Variants in GNS observed in about 807,000 individuals in gnomAD.
GNS encodes glucosamine (N-acetyl)-6-sulfatase.
In GNS, 40 loss-of-function variants were observed where a neutral mutation model predicts 69.7. The observed-to-expected ratio is 0.57, with a 90% CI of 0.45 to 0.75. The LOEUF is 0.75. GNS is among the 30% of genes least tolerant of loss of function. The pLI is 0.00. For synonymous variants in GNS, 243 were observed against 251.6 expected, an observed-to-expected ratio of 0.97 and a Z score of 0.32; for missense variants, 565 against 685.5, an observed-to-expected ratio of 0.82 and a Z score of 1.96.
At chr12:64,738,376 T>A (rs1279675150) in intron 8 of GNS, among the ~76,000 whole-genome samples, 1 of 152,162 alleles carries the variant, frequency 6.6e-6, no homozygotes, top group East Asian at 1.9e-4. Context: ...TGGAGTCATG[T>A]GTATGGGAGT....
chr12:64,755,077 T>C (rs188134730), intron 1 of GNS, among the ~76,000 whole-genome samples: 219 of 152,170 alleles, frequency 1.4e-3, no homozygotes, highest in Non-Finnish European at 2.5e-3. Context: ...GCAAAGACAG[T>C]GGCTGGTCAA....
intron 7 of GNS, 136 bp from the exon 8 acceptor site, chr12:64,739,635 G>T: frequency 9.9e-6 from 6 of 606,626 alleles, no homozygotes; most frequent in East Asian, 5.7e-5. Context: ...AACAACCCCC[G>T]TTTAAAAAAA....
At chr12:64,716,950 T>A in intron 13 of GNS, 131 bp from the exon 14 acceptor site, 1 of 714,976 alleles carries the variant, frequency 1.4e-6, no homozygotes, top group South Asian at 1.5e-5. Flanking sequence ...TGAGAAAGTC[T>A]ATGGTACAAA....
In GNS at chr12:64,740,652, T is replaced by C. The variant is rs1869702388; in HGVS notation, c.829A>G (p.Met277Val). The change falls in exon 7 of 14, where the codon ATG becomes GTG. Residue 277 changes from methionine (M) to valine (V), a missense_variant. Around this residue, in one of 2 missense-constraint regions of GNS, gnomAD observed 384 missense variants for 511.0 expected, o/e 0.75. Coordinates refer to ENST00000258145, the MANE Select transcript of GNS (RefSeq NM_002076.4). ...AAAAACTGTATTGAAGAATTAGTCA[T>C]TGGAGTCTTGGCTTGCCTAATTAAC... is the stretch of plus-strand genomic sequence containing the variant. Reference protein sequence around the residue: ...HWLIRQAKTPMTNSSIQFLDN... With the variant: ...HWLIRQAKTPVTNSSIQFLDN... The C allele has an allele frequency of 1.3e-6, 2 of 1,589,854 alleles. No individual in the cohort carries two copies. The highest frequency in any genetic ancestry group is 1.7e-6 in the Non-Finnish European group (2 of 1,158,032).
intron 1 of GNS, among the ~76,000 whole-genome samples, chr12:64,757,245 C>T (rs1592512500): frequency 2.0e-5 from 3 of 152,178 alleles, no homozygotes; most frequent in Admixed American, 1.3e-4. Flanking sequence ...CAAATACACA[C>T]AGACTACAGC....
chr12:64,753,374 T>G (rs1870142269), intron 1 of GNS, among the ~76,000 whole-genome samples: 1 of 152,240 alleles, frequency 6.6e-6, no homozygotes, highest in Non-Finnish European at 1.5e-5. Flanking sequence ...TTTTCATCTT[T>G]TGTTCAAAAT....
At chr12:64,756,034 T>A (rs756768138) in intron 1 of GNS, among the ~76,000 whole-genome samples, 3 of 152,150 alleles carry the variant, frequency 2.0e-5, no homozygotes, top group Non-Finnish European at 2.9e-5. Context: ...ACTATAATGA[T>A]GTTTAAATAA....
intron 6 of GNS, among the ~76,000 whole-genome samples, chr12:64,742,739 A>C (rs1434079572): frequency 6.6e-6 from 1 of 151,994 alleles, no homozygotes; most frequent in African/African-American, 2.4e-5. Flanking sequence ...TTTCCATTCA[A>C]CTTCCCTTTC....
intron 9 of GNS, 87 bp from the exon 10 acceptor site, chr12:64,729,144 C>T (rs1237681508): frequency 6.9e-5 from 53 of 763,270 alleles, no homozygotes; most frequent in Middle Eastern, 2.4e-4. Flanking sequence ...CCCCCCACCC[C>T]GCCCATGAGA....
At position 64,739,401 on chromosome 12, in the gene GNS, G is replaced by C; in HGVS notation, c.974C>G (p.Ser325Ter). Reference sequence around the variant, plus strand: ...CTGACCTGTGTGATAGCCATTGTCTGAGGTATAGAAGATGTAAGTGTTGTT... The same window carrying C: ...CTGACCTGTGTGATAGCCATTGTCTCAGGTATAGAAGATGTAAGTGTTGTT... ...ELNNTYIFYTSDNGYHTGQFS... is the reference protein window; with the variant it reads ...ELNNTYIFYT Residue 325 changes from serine (S) to a stop codon, truncating the protein, a stop_gained, in exon 8 of 14, where the codon TCA becomes TGA. Coordinates refer to ENST00000258145, the MANE Select transcript of GNS (RefSeq NM_002076.4). LOFTEE classifies it high-confidence loss of function. 1 of 1,547,644 alleles carries C rather than the reference G, an allele frequency of 6.5e-7. No individual in the cohort carries two copies. Among genetic ancestry groups the C allele is most frequent in the South Asian group, 1.1e-5 (1 of 89,700 alleles).
At chr12:64,738,374 T>G (rs946664023) in intron 8 of GNS, among the ~76,000 whole-genome samples, 1 of 152,144 alleles carries the variant, frequency 6.6e-6, no homozygotes, top group Non-Finnish European at 1.5e-5. Context: ...CCTGGAGTCA[T>G]GTGTATGGGA....
chr12:64,720,277 A>G, intron 12 of GNS, 95 bp from the exon 13 acceptor site: 2 of 828,828 alleles, frequency 2.4e-6, no homozygotes, highest in Non-Finnish European at 2.0e-6. Flanking sequence ...GGAAGGGAGG[A>G]GGTAGATTAA....
At chr12:64,719,910 T>A in intron 13 of GNS, 112 bp downstream of exon 13, 1 of 787,202 alleles carries the variant, frequency 1.3e-6, no homozygotes, top group Non-Finnish European at 2.3e-6. Context: ...CAGTATTCCC[T>A]CTAAAGCAGA....
intron 5 of GNS, among the ~76,000 whole-genome samples, chr12:64,744,343 A>C (rs769143091): frequency 6.6e-6 from 1 of 152,228 alleles, no homozygotes; most frequent in Non-Finnish European, 1.5e-5. Context: ...CTGTCATTAG[A>C]AACGCCTCAG....
chr12:64,736,059 G>A (rs1869547707), intron 9 of GNS, among the ~76,000 whole-genome samples: 1 of 152,236 alleles, frequency 6.6e-6, no homozygotes, highest in Non-Finnish European at 1.5e-5. Flanking sequence ...AGCTTAAAGT[G>A]TGTATTTGTT....
chr12:64,756,917 G>T (rs555169665), intron 1 of GNS, among the ~76,000 whole-genome samples: 99 of 152,296 alleles, frequency 6.5e-4, no homozygotes, highest in African/African-American at 2.2e-3. Context: ...CACTTTGGGA[G>T]GCTGAGGTCC....
At chr12:64,756,062 G>T (rs1029192685) in intron 1 of GNS, among the ~76,000 whole-genome samples, 65 of 152,304 alleles carry the variant, frequency 4.3e-4, no homozygotes, top group African/African-American at 1.5e-3. Context: ...AAAGTGATAA[G>T]AACAGTGTCC....
At chr12:64,723,474 G>T (rs969820037) in intron 10 of GNS, among the ~76,000 whole-genome samples, 2 of 152,190 alleles carry the variant, frequency 1.3e-5, no homozygotes, top group African/African-American at 4.8e-5. Flanking sequence ...CTCTATGTAA[G>T]AACTGTTTTA....
At chr12:64,734,235 G>A (rs967501846) in intron 9 of GNS, among the ~76,000 whole-genome samples, 7 of 152,184 alleles carry the variant, frequency 4.6e-5, no homozygotes, top group South Asian at 2.1e-4. Context: ...CTTACTTTGC[G>A]ACCTTGGCAA....
Sources: gnomAD v4.1 joint callset for allele counts (sites outside exome capture counted in the v4.1 genomes callset) on GRCh38, gnomAD v4.1.1 for gene constraint, gnomAD v4.1.1 regional missense constraint, MANE v1.5 for transcripts, NCBI Gene and HGNC (gene_info 2026-07-23, HGNC 2026-07-21) for gene names.